RABGAP1: variants seen among roughly 807,000 people sequenced by gnomAD.
RABGAP1 encodes the protein rab GTPase-activating protein 1.
RABGAP1 carries 23 observed loss-of-function variants against 137.6 expected under a neutral mutation model. The ratio of observed to expected loss-of-function variants is 0.17; its 90% CI spans 0.12 to 0.24. The LOEUF is 0.24. RABGAP1 is among the 10% of genes least tolerant of loss of function. RABGAP1 has a pLI of 1.00. For missense variants in RABGAP1, 906 were observed against 1,275.8 expected, an observed-to-expected ratio of 0.71 and a Z score of 4.42; for synonymous variants, 451 against 450.7, an observed-to-expected ratio of 1.00 and a Z score of -0.01.
intron 19 of RABGAP1, among the ~76,000 whole-genome samples, chr9:123,077,693 T>TGTATTG (rs79926856): frequency 2.3e-4 from 35 of 149,240 alleles, no homozygotes; most frequent in Non-Finnish European, 3.6e-4. Flanking sequence ...TGTATTGTAT[T>TGTATTG]TATTTTCTGT....
chr9:122,997,936 T>C (rs960351187), intron 9 of RABGAP1, among the ~76,000 whole-genome samples: 1 of 152,168 alleles, frequency 6.6e-6, no homozygotes, highest in Non-Finnish European at 1.5e-5. Context: ...TATAGATAAA[T>C]AGTTAAAGGA....
intron 13 of RABGAP1, among the ~76,000 whole-genome samples, chr9:123,047,179 A>G (rs754984508): frequency 2.8e-4 from 43 of 152,226 alleles, no homozygotes; most frequent in Non-Finnish European, 5.9e-4. Context: ...TTTCAGCCAA[A>G]CGAGTTAAGA....
chr9:123,002,932 G>A (rs1161963769), intron 10 of RABGAP1, among the ~76,000 whole-genome samples: 2 of 152,080 alleles, frequency 1.3e-5, no homozygotes, highest in East Asian at 1.9e-4. Context: ...GTGGAAGCTC[G>A]GGGGAGAGCA....
intron 13 of RABGAP1, among the ~76,000 whole-genome samples, chr9:123,043,196 GAAAT>G (rs767296291): frequency 3.3e-5 from 5 of 152,146 alleles, no homozygotes; most frequent in East Asian, 1.9e-4. Flanking sequence ...AATGAGGGAG[GAAAT>G]AAATAAAGAG....
intron 10 of RABGAP1, among the ~76,000 whole-genome samples, chr9:123,006,354 T>C (rs1234436608): frequency 6.6e-6 from 1 of 152,244 alleles, no homozygotes; most frequent in Non-Finnish European, 1.5e-5. Flanking sequence ...TCTGATTCAT[T>C]AGTATTTTAT....
intron 19 of RABGAP1, among the ~76,000 whole-genome samples, chr9:123,077,177 T>C (rs201627734): frequency 7.9e-5 from 11 of 140,064 alleles, no homozygotes; most frequent in Non-Finnish European, 1.5e-4. Flanking sequence ...TTTTTTTTTT[T>C]CTTTTTTTTG....
intron 19 of RABGAP1, among the ~76,000 whole-genome samples, chr9:123,086,811 A>T (rs1004610984): frequency 3.3e-5 from 5 of 152,214 alleles, no homozygotes; most frequent in Non-Finnish European, 7.3e-5. Context: ...CTGTGAAGAC[A>T]GCAGAGCTTT....
At chr9:123,093,965 T>C (rs1281491014) in intron 21 of RABGAP1, among the ~76,000 whole-genome samples, 1 of 152,230 alleles carries the variant, frequency 6.6e-6, no homozygotes, top group Admixed American at 6.5e-5. Flanking sequence ...GTAGCAATGT[T>C]TTTTAGTGTT....
In RABGAP1 at chr9:123,035,413, C is replaced by T. The variant is rs139223372; in HGVS notation, c.1794+14954C>T. The T allele has an allele frequency of 6.3e-4, 1,011 of 1,614,186 alleles. 7 individuals are homozygous for T. Among genetic ancestry groups the T allele is most frequent in the African/African-American group, 1.5e-4 (11 of 75,048 alleles). ...GGAAAGCTCCACTGGCCACAGCAAC[C>T]GCTTCGCATCCTTCTTGACCACCTG... On this transcript the variant is annotated intron_variant, in intron 13 of 25. Transcript: ENST00000373647.
In RABGAP1 at chr9:123,099,570, A is replaced by C. The variant is rs779561937; in HGVS notation, c.2889+21A>C. ...TTCGGGTAAGACTTCTCTTTACCTAAAAGATTTTATACCACCTACTTCATT... is the reference window on the plus strand; with the variant it reads ...TTCGGGTAAGACTTCTCTTTACCTACAAGATTTTATACCACCTACTTCATT... On this transcript the variant is annotated intron_variant, in intron 24 of 25. Coordinates refer to ENST00000373647, the MANE Select transcript of RABGAP1 (RefSeq NM_012197.4). 3.2e-6 allele frequency: 5 copies of C among 1,574,798 alleles called. No individual in the cohort carries two copies. In the South Asian group the frequency reaches 5.5e-5, roughly 17 times the overall value.
At chr9:123,091,157 C>T (rs2035020609) in intron 21 of RABGAP1, among the ~76,000 whole-genome samples, 1 of 152,178 alleles carries the variant, frequency 6.6e-6, no homozygotes, top group Non-Finnish European at 1.5e-5. Context: ...TGGATTTGGC[C>T]CTTGGACTGT....
intron 2 of RABGAP1, among the ~76,000 whole-genome samples, chr9:122,957,540 A>C (rs1204494722): frequency 6.6e-6 from 1 of 152,158 alleles, no homozygotes; most frequent in Non-Finnish European, 1.5e-5. Context: ...ATGTAAGGGC[A>C]CTGGCAGGTC....
chr9:123,014,339 T>C (rs1269435050), intron 11 of RABGAP1, among the ~76,000 whole-genome samples: 2 of 152,238 alleles, frequency 1.3e-5, no homozygotes, highest in African/African-American at 4.8e-5. Flanking sequence ...TTTGGCCTTT[T>C]AAAGTATGTT....
chr9:122,939,459 A>G (rs562941250), upstream of RABGAP1: 1 of 150,794 alleles, frequency 6.6e-6, no homozygotes, highest in African/African-American at 2.5e-5. Context: ...GGCATGAGCC[A>G]CCACACCTGG....
At chr9:122,996,937 A>G (rs1407469877) in intron 8 of RABGAP1, 2 of 515,288 alleles carry the variant, frequency 3.9e-6, no homozygotes, top group Non-Finnish European at 3.6e-6. Context: ...AGTTATTAGT[A>G]TTATTCCCAT....
intron 10 of RABGAP1, among the ~76,000 whole-genome samples, chr9:123,006,355 A>G (rs1401697794): frequency 6.6e-6 from 1 of 152,216 alleles, no homozygotes; most frequent in Non-Finnish European, 1.5e-5. Flanking sequence ...CTGATTCATT[A>G]GTATTTTATT....
chr9:122,958,215 C>T (rs1240306676), intron 2 of RABGAP1, among the ~76,000 whole-genome samples: 1 of 152,190 alleles, frequency 6.6e-6, no homozygotes, highest in African/African-American at 2.4e-5. Context: ...CTGGAACCAT[C>T]TGGCCACCTT....
At chr9:122,962,860 C>T (rs1588175216) in intron 2 of RABGAP1, among the ~76,000 whole-genome samples, 1 of 152,034 alleles carries the variant, frequency 6.6e-6, no homozygotes, top group South Asian at 2.1e-4. Flanking sequence ...TTTAGAGATA[C>T]AAATAGATTT....
At position 123,104,641 on chromosome 9, in the gene RABGAP1, A is replaced by AC; in HGVS notation, c.*1433dup. 6.6e-6 allele frequency: 1 copy of AC among 152,018 alleles called. No individual in the cohort carries two copies. The highest frequency in any genetic ancestry group is 1.5e-5 in the Non-Finnish European group (1 of 68,076). 9.4% of individuals were successfully genotyped at this position (152,018 alleles called of 1,614,324 possible). A position where few individuals can be genotyped will look rare whatever the true frequency, so the allele number is the denominator to read the frequency against. ...GTAATAAGGGAGGTAACAAGTGGCA[A>AC]CCCCCTCCCCACCAACCATCCCCTT... On this transcript the variant is annotated 3_prime_UTR_variant, in exon 26 of 26. Transcript: ENST00000373647.
Sources: gnomAD v4.1 joint callset for allele counts (sites outside exome capture counted in the v4.1 genomes callset) on GRCh38, gnomAD v4.1.1 for gene constraint, MANE v1.5 for transcripts, NCBI Gene and HGNC (gene_info 2026-07-23, HGNC 2026-07-21) for gene names.